DISP3: variants seen among roughly 807,000 people sequenced by gnomAD.
DISP3 encodes dispatched RND transporter family member 3, also known as protein dispatched homolog 3.
A neutral mutation model predicts 135.3 loss-of-function variants in DISP3; 101 were observed. The ratio of observed to expected loss-of-function variants is 0.75; its 90% CI spans 0.64 to 0.88. DISP3 has a LOEUF of 0.88. Ranked by LOEUF, DISP3 falls within the 40% of genes least tolerant of loss-of-function variation. The pLI, the probability that DISP3 is intolerant of heterozygous loss-of-function variation, is 0.00. For missense variants in DISP3, 1,713 were observed against 1,878.6 expected, an observed-to-expected ratio of 0.91 and a Z score of 1.63; for synonymous variants, 856 against 817.0, an observed-to-expected ratio of 1.05 and a Z score of -0.81.
chr1:11,523,466 CAGAG>C (rs1458732490), intron 10 of DISP3, among the ~76,000 whole-genome samples: 1 of 144,102 alleles, frequency 6.9e-6, no homozygotes, highest in African/African-American at 2.6e-5. Context: ...CAGAGTGGCA[CAGAG>C]AGGGCAAGCG....
Position 11,520,695 on chromosome 1 carries a change from G to T in DISP3, c.2209G>T (p.Val737Phe), listed in dbSNP as rs757088901. ...KSRWVIVGLF[V>F]SILILSLVFA... Reference sequence around the variant, plus strand: ...GCGCCCTTTCCTCACAGGGCTGTTCGTCTCCATCCTCATCTTGTCCCTGGT... The same window carrying T: ...GCGCCCTTTCCTCACAGGGCTGTTCTTCTCCATCCTCATCTTGTCCCTGGT... Residue 737 changes from valine (V) to phenylalanine (F), a missense_variant, in exon 10 of 21, where the codon GTC becomes TTC. Val to Phe is a conservative substitution (Grantham distance 50). Transcript: ENST00000294484. The surrounding 1 kb of genome is among the most constrained non-coding windows in gnomAD (Gnocchi z 4.8). The T allele has an allele frequency of 6.2e-7, 1 of 1,612,940 alleles. No homozygotes were observed. The highest frequency in any genetic ancestry group is 8.5e-7 in the Non-Finnish European group (1 of 1,179,858).
At position 11,522,583 on chromosome 1, in the gene DISP3, A is replaced by AGACCCAGCCAG. The variant is rs1642235752; in HGVS notation, c.2363-1347_2363-1337dup. Among the ~76,000 whole-genome samples the AGACCCAGCCAG allele has an allele frequency of 9.2e-5, 5 of 54,520 alleles. No individual in the cohort carries two copies. In the East Asian group the frequency reaches 2.1e-3, roughly 22 times the overall value. The allele number at this position is 54,520 out of a possible 152,430, so 35.8% of individuals were successfully genotyped here. A position where few individuals can be genotyped will look rare whatever the true frequency, so the allele number is the denominator to read the frequency against. On this transcript the variant is annotated intron_variant, in intron 10 of 20. Coordinates refer to ENST00000294484, the MANE Select transcript of DISP3 (RefSeq NM_020780.2). ...CCAGAGCCCAGCCAGGACCCAGCCA[A>AGACCCAGCCAG]GACCCAGCCAGGACCCAGCCAGAGC... is the stretch of plus-strand genomic sequence containing the variant.
chr1:11,500,876 T>G, intron 1 of DISP3, 114 bp from the exon 2 acceptor site: 1 of 1,127,258 alleles, frequency 8.9e-7, no homozygotes, highest in Non-Finnish European at 1.3e-6. Flanking sequence ...CATTGCAGTA[T>G]TAGTATTTGG....
At chr1:11,521,688 G>A (rs1642200702) in intron 10 of DISP3, among the ~76,000 whole-genome samples, 1 of 151,086 alleles carries the variant, frequency 6.6e-6, no homozygotes, top group Non-Finnish European at 1.5e-5. Flanking sequence ...GAGAAGAGGA[G>A]AGGTTAACCA....
At chr1:11,502,275 T>C (rs1641566578) in intron 2 of DISP3, among the ~76,000 whole-genome samples, 187 bp downstream of exon 2, 1 of 152,078 alleles carries the variant, frequency 6.6e-6, no homozygotes. Context: ...AAGAGGGAAC[T>C]GAAGAGGGAA....
intron 3 of DISP3, among the ~76,000 whole-genome samples, chr1:11,507,061 G>A (rs1040889084): frequency 1.1e-4 from 16 of 152,112 alleles, no homozygotes; most frequent in Non-Finnish European, 7.4e-5. Context: ...TCCCACCTTG[G>A]CCTCTCAAAG....
chr1:11,490,118 A>G (rs1641142072), intron 1 of DISP3, among the ~76,000 whole-genome samples: 1 of 149,682 alleles, frequency 6.7e-6, no homozygotes, highest in African/African-American at 2.4e-5. Context: ...AGGGTGGGAG[A>G]GATGTCGGGG....
chr1:11,507,524 C>T (rs139851806), intron 3 of DISP3, among the ~76,000 whole-genome samples: 303 of 152,356 alleles, frequency 2.0e-3, no homozygotes, highest in African/African-American at 6.9e-3. Context: ...TGCTGATCTG[C>T]AAGTGTCTGC....
At chr1:11,530,387 G>A (rs944292727) in intron 15 of DISP3, among the ~76,000 whole-genome samples, 3 of 152,308 alleles carry the variant, frequency 2.0e-5, no homozygotes, top group South Asian at 2.1e-4. Context: ...TTCTGGGCAC[G>A]TAGTGGGTGC....
chr1:11,490,135 G>A (rs1641143266), intron 1 of DISP3, among the ~76,000 whole-genome samples: 1 of 152,122 alleles, frequency 6.6e-6, no homozygotes, highest in South Asian at 2.1e-4. Context: ...GGGGGTGGGG[G>A]TGGTCTGGAC....
At chr1:11,530,098 C>A in intron 15 of DISP3, 139 bp downstream of exon 15, 1 of 1,172,754 alleles carries the variant, frequency 8.5e-7, no homozygotes, top group Non-Finnish European at 1.2e-6. Context: ...AGACAGAACC[C>A]CTATGGGCCC....
At chr1:11,535,168 G>A (rs1233465194) in intron 19 of DISP3, 44 bp downstream of exon 19, 14 of 1,526,984 alleles carry the variant, frequency 9.2e-6, no homozygotes, top group Non-Finnish European at 1.2e-5. Flanking sequence ...GGTAGGGACG[G>A]GAACAGACAG....
intron 18 of DISP3, 53 bp from the exon 19 acceptor site, chr1:11,534,958 C>A: frequency 1.4e-6 from 2 of 1,468,518 alleles, no homozygotes; most frequent in Non-Finnish European, 1.8e-6. Context: ...AGCAGCACAG[C>A]TTGCTGCGAC....
intron 2 of DISP3, 76 bp downstream of exon 2, chr1:11,502,164 A>G: frequency 2.0e-6 from 3 of 1,464,796 alleles, no homozygotes; most frequent in South Asian, 2.8e-5. Flanking sequence ...GGCCCAGGCC[A>G]GGCCCAGGCC....
At chr1:11,524,940 A>C (rs1570137439) in intron 11 of DISP3, among the ~76,000 whole-genome samples, 1 of 54,594 alleles carries the variant, frequency 1.8e-5, no homozygotes, top group Non-Finnish European at 3.6e-5. Context: ...TGTGCCCACT[A>C]TCTCCCTCAC....
In DISP3 at chr1:11,509,764, G is replaced by A. The variant is rs61664585; in HGVS notation, c.1317-4626G>A. Among the ~76,000 whole-genome samples the A allele has an allele frequency of 3.0e-3, 450 of 151,906 alleles. 2 individuals are homozygous for A. The highest frequency in any genetic ancestry group is 0.011 in the East Asian group (55 of 5,172). On this transcript the variant is annotated intron_variant, in intron 3 of 20. Coordinates refer to ENST00000294484, the MANE Select transcript of DISP3 (RefSeq NM_020780.2). ...CTATCCCTTTGCTTTTATCCTATTC[G>A]TGTCCTTATATTTAAAGTGGGTTTC...
intron 7 of DISP3, 137 bp downstream of exon 7, chr1:11,517,739 A>ATCTTC: frequency 2.5e-6 from 3 of 1,178,114 alleles, no homozygotes; most frequent in Non-Finnish European, 2.3e-6. Context: ...GAAGGAGAAG[A>ATCTTC]TGCTTCCATC....
chr1:11,514,648 G>A, intron 4 of DISP3, 122 bp downstream of exon 4: 3 of 1,311,298 alleles, frequency 2.3e-6, no homozygotes, highest in Non-Finnish European at 3.2e-6. Context: ...TGGGGACACA[G>A]GGATATGCAC....
intron 1 of DISP3, among the ~76,000 whole-genome samples, chr1:11,490,056 C>T (rs1227555051): frequency 6.6e-6 from 1 of 151,994 alleles, no homozygotes; most frequent in Admixed American, 6.6e-5. Flanking sequence ...AGAGGTTCCT[C>T]TGTACTTGGC....
Sources: allele counts gnomAD v4.1 joint callset (sites outside exome capture counted in the v4.1 genomes callset), GRCh38; gene constraint gnomAD v4.1.1; non-coding constraint Gnocchi (gnomAD v3.1); transcripts MANE v1.5; gene names NCBI Gene and HGNC (gene_info 2026-07-23, HGNC 2026-07-21).